Variants in WWOX observed in about 807,000 individuals in gnomAD.
The protein encoded by WWOX is WW domain-containing oxidoreductase.
Under a neutral mutation model 46.2 loss-of-function variants are expected in WWOX, and 69 were observed. The ratio of observed to expected loss-of-function variants is 1.49; its 90% confidence interval spans 1.23 to 1.82. WWOX has a LOEUF of 1.82. Among genes scored for constraint, WWOX ranks in the 40% most tolerant of loss-of-function variants. The probability of loss-of-function intolerance (pLI) is 0.00; values close to 1 mark genes in which losing one functional copy is unlikely to be tolerated. For synonymous variants in WWOX, 359 were observed against 202.6 expected (o/e 1.77, Z -6.56); for missense variants, 919 against 542.6 (o/e 1.69, Z -6.89).
At chr16:79,070,893 TGAAGTAGCATCGTCA>T (rs1395222206) in intron 8 of WWOX, among the ~76,000 whole-genome samples, 1 of 152,192 alleles carries the variant, frequency 6.6e-6, no homozygotes, top group African/African-American at 2.4e-5. Context: ...AGAAACTTTT[TGAAGTAGCATCGTCA>T]CTCAGCACAG....
intron 8 of WWOX, among the ~76,000 whole-genome samples, chr16:78,817,400 C>T (rs2051363220): frequency 6.6e-6 from 1 of 152,044 alleles, no homozygotes; most frequent in Non-Finnish European, 1.5e-5. Context: ...GAAGCATTTG[C>T]CTCCTTAAAG....
At chr16:78,785,481 T>G (rs1324328485) in intron 8 of WWOX, among the ~76,000 whole-genome samples, 1 of 152,222 alleles carries the variant, frequency 6.6e-6, no homozygotes, top group African/African-American at 2.4e-5. Flanking sequence ...ACAAACACAT[T>G]GTGCACCTAT....
At chr16:78,247,212 C>T (rs576985954) in intron 5 of WWOX, among the ~76,000 whole-genome samples, 5 of 151,984 alleles carry the variant, frequency 3.3e-5, no homozygotes, top group Admixed American at 1.3e-4. Flanking sequence ...TGGGTGTGGC[C>T]GCCCCCCTGC....
intron 5 of WWOX, among the ~76,000 whole-genome samples, chr16:78,175,474 G>T (rs1162347738): frequency 1.3e-5 from 2 of 152,190 alleles, no homozygotes; most frequent in African/African-American, 2.4e-5. Context: ...TATGACTCCT[G>T]AGGTAGGTCC....
intron 8 of WWOX, among the ~76,000 whole-genome samples, chr16:78,849,791 G>A (rs2052395828): frequency 6.6e-6 from 1 of 151,814 alleles, no homozygotes; most frequent in Non-Finnish European, 1.5e-5. Flanking sequence ...TGATAGGCTG[G>A]GCTGGGCGTG....
intron 8 of WWOX, among the ~76,000 whole-genome samples, chr16:79,062,865 CTGTTT>C: frequency 6.6e-6 from 1 of 152,142 alleles, no homozygotes; most frequent in East Asian, 1.9e-4. Context: ...GAAGGAACAT[CTGTTT>C]TAAGTCAACT....
intron 8 of WWOX, among the ~76,000 whole-genome samples, chr16:78,622,767 CA>C (rs2046221142): frequency 6.6e-6 from 1 of 152,056 alleles, no homozygotes; most frequent in Non-Finnish European, 1.5e-5. Flanking sequence ...TATGGCAAAG[CA>C]AAGGGATTTT....
chr16:78,356,071 T>TAAAAAAAAAAAAAAAAAAAAAAAAAAAAA lies in WWOX; in HGVS notation c.517-30767_517-30766insAAAAAAAAAAAAAAAAAAAAAAAAAAAAA, dbSNP rs61113878. Among the ~76,000 whole-genome samples the TAAAAAAAAAAAAAAAAAAAAAAAAAAAAA allele has an allele frequency of 7.9e-5, 6 of 76,140 alleles. 1 individual carries two copies. The highest frequency in any genetic ancestry group is 2.3e-4 in the African/African-American group (5 of 21,596). 50.0% of individuals were successfully genotyped at this position (76,140 alleles called of 152,430 possible). ...TATGACCACCAAGATTTTTTTTTCCTAAAAAAAAAAAAAAAAAAAAAAGAA... is the reference window on the plus strand; with the variant it reads ...TATGACCACCAAGATTTTTTTTTCCTAAAAAAAAAAAAAAAAAAAAAAAAAAAAAAAAAAAAAAAAAAAAAAAAAAAGAA... On this transcript the variant is annotated intron_variant, in intron 5 of 8. Coordinates refer to ENST00000566780, the MANE Select transcript of WWOX (RefSeq NM_016373.4).
At chr16:79,140,193 C>T (rs568069229) in intron 8 of WWOX, among the ~76,000 whole-genome samples, 2 of 152,184 alleles carry the variant, frequency 1.3e-5, no homozygotes, top group East Asian at 1.9e-4. Context: ...AATTGACTTA[C>T]GTTAACATTC....
intron 8 of WWOX, among the ~76,000 whole-genome samples, chr16:79,113,293 G>T (rs1300336684): frequency 1.3e-5 from 2 of 152,132 alleles, no homozygotes; most frequent in Admixed American, 1.3e-4. Flanking sequence ...GACGGGTGAA[G>T]AATTCACCTG....
intron 8 of WWOX, 62 bp from the exon 9 acceptor site, chr16:79,211,546 T>A: frequency 1.2e-6 from 2 of 1,609,376 alleles, no homozygotes; most frequent in Non-Finnish European, 1.7e-6. Context: ...GCAGTCGAAA[T>A]GACGCCATCT....
intron 8 of WWOX, among the ~76,000 whole-genome samples, chr16:78,959,565 A>G (rs945297346): frequency 6.6e-6 from 1 of 152,110 alleles, no homozygotes; most frequent in Non-Finnish European, 1.5e-5. Flanking sequence ...CCATCTATCC[A>G]TCCATCTACT....
rs1597085549 is a variant in WWOX, at chr16:78,869,933, C to T, written c.1057-341675C>T. Among the ~76,000 whole-genome samples the T allele has an allele frequency of 3.3e-5, 5 of 152,286 alleles. No homozygotes were observed. In the South Asian group the frequency reaches 1.0e-3, roughly 32 times the overall value. ...AGAACATGGGATTTATCATTGACGT[C>T]AGTGCCTTGGGAGTCTATGTTTATG... On this transcript the variant is annotated intron_variant, in intron 8 of 8. Transcript: ENST00000566780.
At chr16:78,817,167 C>CTAT (rs2051352887) in intron 8 of WWOX, among the ~76,000 whole-genome samples, 5 of 56,068 alleles carry the variant, frequency 8.9e-5, no homozygotes, top group Admixed American at 1.9e-4. Context: ...AACATTAGTG[C>CTAT]TATTCTTTTT....
intron 4 of WWOX, among the ~76,000 whole-genome samples, chr16:78,140,402 C>T (rs1369891221): frequency 7.2e-5 from 11 of 152,128 alleles, no homozygotes; most frequent in Non-Finnish European, 1.5e-5. Flanking sequence ...AGCAAAGTAC[C>T]ATAAACTGGG....
intron 8 of WWOX, among the ~76,000 whole-genome samples, chr16:78,458,773 T>C (rs1489158131): frequency 3.3e-5 from 5 of 152,086 alleles, no homozygotes; most frequent in Non-Finnish European, 1.5e-5. Flanking sequence ...CCAGTACTAG[T>C]GTCTGCTAAT....
intron 8 of WWOX, among the ~76,000 whole-genome samples, chr16:78,995,797 G>C (rs1191549198): frequency 6.6e-6 from 1 of 152,118 alleles, no homozygotes; most frequent in African/African-American, 2.4e-5. Flanking sequence ...AAATTGAAAG[G>C]GGCATCATTG....
intron 8 of WWOX, among the ~76,000 whole-genome samples, chr16:78,844,318 CT>C (rs1336357825): frequency 2.0e-5 from 3 of 152,130 alleles, no homozygotes; most frequent in Non-Finnish European, 4.4e-5. Flanking sequence ...AAGCTTAATC[CT>C]TTTGAAACAT....
At chr16:78,422,995 C>T (rs941040144) in intron 6 of WWOX, among the ~76,000 whole-genome samples, 4 of 151,498 alleles carry the variant, frequency 2.6e-5, no homozygotes, top group African/African-American at 9.7e-5. Flanking sequence ...AAGTGATTCT[C>T]CTGCCTTAGC....
Sources: allele counts gnomAD v4.1 joint callset (sites outside exome capture counted in the v4.1 genomes callset), GRCh38; gene constraint gnomAD v4.1.1; transcripts MANE v1.5; gene names NCBI Gene and HGNC (gene_info 2026-07-23, HGNC 2026-07-21).